The following FSHR variants were observed in gnomAD, a reference collection of about 807,000 sequenced individuals.
FSHR encodes the protein follicle stimulating hormone receptor.
In FSHR, 46 loss-of-function variants were observed where a neutral mutation model predicts 52.1. The observed-to-expected ratio is 0.88, with a 90% CI of 0.70 to 1.13. FSHR has a LOEUF of 1.13. FSHR is among the 50% of genes most tolerant of loss of function. The pLI, the probability that FSHR is intolerant of heterozygous loss-of-function variation, is 0.00. For synonymous variants in FSHR, 399 were observed against 309.6 expected (o/e 1.29, Z -3.03); for missense variants, 964 against 834.6 (o/e 1.16, Z -1.91).
At chr2:49,124,957 C>G (rs1671947742) in intron 1 of FSHR, among the ~76,000 whole-genome samples, 1 of 152,220 alleles carries the variant, frequency 6.6e-6, no homozygotes, top group Admixed American at 6.5e-5. Flanking sequence ...CCTGTCCACT[C>G]ATCCATTCCT....
intron 1 of FSHR, among the ~76,000 whole-genome samples, chr2:49,103,406 C>T (rs7590213): frequency 0.22 from 33,554 of 152,122 alleles, 3,746 homozygotes; most frequent in East Asian, 0.28. Context: ...TAGAAACAAA[C>T]GTAAGGCCTA....
intron 2 of FSHR, among the ~76,000 whole-genome samples, chr2:49,064,277 T>G (rs776929612): frequency 6.6e-6 from 1 of 152,126 alleles, no homozygotes; most frequent in Non-Finnish European, 1.5e-5. Flanking sequence ...CCAAATTTCC[T>G]GTTAAAACTC....
intron 2 of FSHR, among the ~76,000 whole-genome samples, chr2:49,046,226 AC>A (rs1423162410): frequency 6.6e-6 from 1 of 152,232 alleles, no homozygotes. Flanking sequence ...TCATACTACT[AC>A]TACAAATTAA....
Position 48,978,036 on chromosome 2 carries a change from G to A in FSHR, c.668+4876C>T, listed in dbSNP as rs181965622. On this transcript the variant is annotated intron_variant, in intron 8 of 9. Coordinates refer to ENST00000406846, the MANE Select transcript of FSHR (RefSeq NM_000145.4). The stretch of plus-strand genomic sequence containing the variant: ...GAATTTAAATCTTGAAAAGACCAGT[G>A]GATACCCCATGGGATTATGACTTGC... Among the ~76,000 whole-genome samples, 6 of 152,240 alleles carry A rather than the reference G, an allele frequency of 3.9e-5. No individual in the cohort carries two copies. The East Asian group carries it at 1.2e-3, about 29-fold the overall frequency.
intron 2 of FSHR, among the ~76,000 whole-genome samples, chr2:49,031,481 A>G (rs1186644644): frequency 1.3e-5 from 2 of 152,128 alleles, no homozygotes; most frequent in Admixed American, 1.3e-4. Context: ...CCCTTTTTTC[A>G]ACACGTAAAG....
At chr2:49,120,771 T>C (rs1045631770) in intron 1 of FSHR, among the ~76,000 whole-genome samples, 1 of 152,238 alleles carries the variant, frequency 6.6e-6, no homozygotes, top group Non-Finnish European at 1.5e-5. Context: ...CTTTGAAAAG[T>C]TGTTTTAAAA....
At position 48,985,697 on chromosome 2, in the gene FSHR, G is replaced by GTTTTTTTTTTTTTTTTTTTTTTT. The variant is rs70946839; in HGVS notation, c.525-2554_525-2532dup. ...TTCAGTTTCAGGGGAGCAAGTACAG[G>GTTTTTTTTTTTTTTTTTTTTTTT]TTTTTTTTTTTTTTTTTTTTTTTTT... is the stretch of plus-strand genomic sequence containing the variant. On this transcript the variant is annotated intron_variant, in intron 6 of 9. Coordinates refer to ENST00000406846, the MANE Select transcript of FSHR (RefSeq NM_000145.4). 6.0e-5 allele frequency among the ~76,000 whole-genome samples: 6 copies of GTTTTTTTTTTTTTTTTTTTTTTT among 99,540 alleles called. 3 individuals carry two copies. The highest frequency in any genetic ancestry group is 1.7e-4 in the African/African-American group (4 of 23,878). 65.3% of individuals were successfully genotyped at this position (99,540 alleles called of 152,430 possible). A position where few individuals can be genotyped will look rare whatever the true frequency, so the allele number is the denominator to read the frequency against.
chr2:49,152,083 C>T lies in FSHR; in HGVS notation c.152+2183G>A, dbSNP rs149078984. Among the ~76,000 whole-genome samples the T allele has an allele frequency of 2.0e-4, 31 of 152,256 alleles. No individual in the cohort carries two copies. In the East Asian group the frequency reaches 6.0e-3, roughly 29 times the overall value. On this transcript the variant is annotated intron_variant, in intron 1 of 9. Transcript: ENST00000406846. ...TGCAGAAGACAGAATCTTCTTAAGACTGGGTATTTGAGAGAGCTTCTAAAG... is the reference window on the plus strand; with the variant it reads ...TGCAGAAGACAGAATCTTCTTAAGATTGGGTATTTGAGAGAGCTTCTAAAG...
At chr2:48,989,572 T>C (rs766579719) in intron 5 of FSHR, among the ~76,000 whole-genome samples, 1 of 152,218 alleles carries the variant, frequency 6.6e-6, no homozygotes, top group Non-Finnish European at 1.5e-5. Flanking sequence ...CTGGCCACTG[T>C]GCATGGCTTA....
intron 2 of FSHR, among the ~76,000 whole-genome samples, chr2:49,058,703 A>T (rs184133645): frequency 2.5e-4 from 38 of 152,296 alleles, no homozygotes; most frequent in African/African-American, 8.4e-4. Flanking sequence ...CCATTTACAA[A>T]AACTACAAAA....
At chr2:48,968,320 C>T (rs537625186) in intron 9 of FSHR, among the ~76,000 whole-genome samples, 42 of 152,248 alleles carry the variant, frequency 2.8e-4, no homozygotes, top group African/African-American at 6.5e-4. Context: ...AAAGATGACA[C>T]GGATGGGGCA....
At chr2:49,073,611 C>G (rs557137711) in intron 1 of FSHR, among the ~76,000 whole-genome samples, 1 of 152,000 alleles carries the variant, frequency 6.6e-6, no homozygotes, top group Admixed American at 6.6e-5. Flanking sequence ...GTTAAAATGA[C>G]TATACCACCC....
intron 1 of FSHR, among the ~76,000 whole-genome samples, chr2:49,120,191 G>T (rs1572770063): frequency 6.6e-6 from 1 of 152,200 alleles, no homozygotes; most frequent in East Asian, 1.9e-4. Context: ...GAATCGCCGG[G>T]GCCAGAGAGG....
At chr2:49,111,285 C>T (rs1671413864) in intron 1 of FSHR, among the ~76,000 whole-genome samples, 1 of 152,100 alleles carries the variant, frequency 6.6e-6, no homozygotes, top group Admixed American at 6.6e-5. Flanking sequence ...TCTTTTTTGG[C>T]CTGCCCTGTG....
chr2:49,068,072 A>C lies in FSHR; in HGVS notation c.224+147T>G, dbSNP rs918699934. ...CACACTATCATTTAGGAACCATGGT[A>C]ACACAGTAAAATGTGAGGAGATGCA... On this transcript the variant is annotated intron_variant, in intron 2 of 9. Coordinates refer to ENST00000406846, the MANE Select transcript of FSHR (RefSeq NM_000145.4). The C allele has an allele frequency of 8.6e-6, 6 of 700,536 alleles. No individual in the cohort carries two copies. In the African/African-American group the frequency reaches 1.1e-4, roughly 12 times the overall value. The allele number at this position is 700,536 out of a possible 1,614,324, so 43.4% of individuals were successfully genotyped here.
chr2:49,045,090 GT>G (rs200037925), intron 2 of FSHR, among the ~76,000 whole-genome samples: 22 of 152,000 alleles, frequency 1.4e-4, no homozygotes, highest in African/African-American at 4.6e-4. Flanking sequence ...TATGAAAAGT[GT>G]TTTTTTTCCC....
At chr2:48,977,053 T>A (rs992193766) in intron 8 of FSHR, among the ~76,000 whole-genome samples, 2 of 152,120 alleles carry the variant, frequency 1.3e-5, no homozygotes, top group African/African-American at 4.8e-5. Flanking sequence ...TACACCTATG[T>A]AACAAACCTG....
intron 1 of FSHR, among the ~76,000 whole-genome samples, chr2:49,145,251 C>A (rs1345076030): frequency 6.6e-6 from 1 of 152,116 alleles, no homozygotes; most frequent in African/African-American, 2.4e-5. Flanking sequence ...AAGATTGAGT[C>A]TCTTGTATTT....
intron 1 of FSHR, among the ~76,000 whole-genome samples, chr2:49,147,806 A>G (rs1157606212): frequency 6.6e-6 from 1 of 151,828 alleles, no homozygotes; most frequent in Non-Finnish European, 1.5e-5. Flanking sequence ...TTGGACATAG[A>G]CATATCATTT....
Sources: gnomAD v4.1 joint callset for allele counts (sites outside exome capture counted in the v4.1 genomes callset) on GRCh38, gnomAD v4.1.1 for gene constraint, MANE v1.5 for transcripts, NCBI Gene and HGNC (gene_info 2026-07-23, HGNC 2026-07-21) for gene names.